DAB1: variants seen among roughly 807,000 people sequenced by gnomAD.
The protein encoded by DAB1 is disabled homolog 1.
A neutral mutation model predicts 64.6 loss-of-function variants in DAB1; 15 were observed. The ratio of observed to expected loss-of-function variants is 0.23; its 90% CI spans 0.16 to 0.36. DAB1 has a LOEUF of 0.36. Among genes scored for constraint, DAB1 ranks in the 10% least tolerant of loss-of-function variants. The pLI, the probability that DAB1 is intolerant of heterozygous loss-of-function variation, is 1.00. For missense variants in DAB1, 596 were observed against 706.7 expected (o/e 0.84, Z 1.78); for synonymous variants, 235 against 251.9 (o/e 0.93, Z 0.64).
At chr1:57,297,887 T>C (rs1290537331) in intron 1 of DAB1, among the ~76,000 whole-genome samples, 1 of 152,094 alleles carries the variant, frequency 6.6e-6, no homozygotes, top group Non-Finnish European at 1.5e-5. Context: ...CCCCTGTAAC[T>C]CCCCAGACTG....
In DAB1 at chr1:57,463,601, C is replaced by T. The variant is rs534271218; in HGVS notation, n.626-172435G>A. 2.4e-4 allele frequency among the ~76,000 whole-genome samples: 37 copies of T among 152,228 alleles called. 1 individual carries two copies. The South Asian group carries it at 7.5e-3, about 31-fold the overall frequency. Reference sequence around the variant, plus strand: ...TGGGGCAACAGAATCTTTCATCCACCCTTGCACAGTTTCTTCGTGACAGAA... The same window carrying T: ...TGGGGCAACAGAATCTTTCATCCACTCTTGCACAGTTTCTTCGTGACAGAA... On this transcript the variant is annotated intron_variant and non_coding_transcript_variant, in intron 7 of 20. Coordinates refer to the DAB1 transcript ENST00000485760.
At chr1:57,940,598 G>C (rs1237304025) in intron 5 of DAB1, among the ~76,000 whole-genome samples, 2 of 152,340 alleles carry the variant, frequency 1.3e-5, no homozygotes, top group Non-Finnish European at 1.5e-5. Context: ...TTCTGGTTCT[G>C]TGGGTCTGGG....
chr1:58,443,158 C>A (rs1044147603), intron 3 of DAB1, among the ~76,000 whole-genome samples: 1 of 152,104 alleles, frequency 6.6e-6, no homozygotes, highest in Non-Finnish European at 1.5e-5. Flanking sequence ...GGTGGACCAG[C>A]TCTCCCATCA....
In DAB1 at chr1:57,325,075, A is replaced by G. The variant is rs563780276; in HGVS notation, c.-136-33909T>C. Reference sequence around the variant, plus strand: ...GTAGATGCTGGAGCCTGCCCATTTCAGTCTTCTTTGATTTTTGCTTTTACT... The same window carrying G: ...GTAGATGCTGGAGCCTGCCCATTTCGGTCTTCTTTGATTTTTGCTTTTACT... On this transcript the variant is annotated intron_variant, in intron 1 of 14. Coordinates refer to ENST00000371236, the MANE Select transcript of DAB1 (RefSeq NM_001365792.1). Among the ~76,000 whole-genome samples the G allele has an allele frequency of 5.3e-5, 8 of 152,314 alleles. No homozygotes were observed. In the South Asian group the frequency reaches 1.4e-3, roughly 28 times the overall value.
At chr1:58,523,546 G>A (rs372418763) in intron 2 of DAB1, among the ~76,000 whole-genome samples, 5 of 152,126 alleles carry the variant, frequency 3.3e-5, no homozygotes. Context: ...CCATTTGGAC[G>A]CCTTCAGTGT....
chr1:58,529,159 T>G (rs1241556123), intron 1 of DAB1, among the ~76,000 whole-genome samples: 2 of 152,164 alleles, frequency 1.3e-5, no homozygotes, highest in African/African-American at 4.8e-5. Flanking sequence ...TCAATATAAA[T>G]GAAGCCAAAT....
rs548259835 is a variant in DAB1 at position 57,001,755 on chromosome 1, C to T, written c.*16-3627G>A. Reference sequence around the variant, plus strand: ...GTTTTCCCATCTCTGAGACTTCATTCAGGCAGTTCCTTCTGGCTTCGGAGG... The same window carrying T: ...GTTTTCCCATCTCTGAGACTTCATTTAGGCAGTTCCTTCTGGCTTCGGAGG... On this transcript the variant is annotated intron_variant, in intron 14 of 14. Transcript: ENST00000371236. Among the ~76,000 whole-genome samples, 43 of 152,338 alleles carry T rather than the reference C, an allele frequency of 2.8e-4. 1 individual carries two copies. The South Asian group carries it at 8.1e-3, about 29-fold the overall frequency.
chr1:57,067,897 C>T (rs919112887), intron 8 of DAB1, among the ~76,000 whole-genome samples: 4 of 152,116 alleles, frequency 2.6e-5, no homozygotes, highest in East Asian at 3.9e-4. Flanking sequence ...AACAATTGTT[C>T]GCTTATTTTA....
At chr1:57,328,755 T>C (rs958878159) in intron 1 of DAB1, among the ~76,000 whole-genome samples, 2 of 152,178 alleles carry the variant, frequency 1.3e-5, no homozygotes, top group Non-Finnish European at 2.9e-5. Context: ...AAGACAGAAT[T>C]TCTGTTTCTC....
At chr1:58,041,327 T>A (rs1570266810) in intron 5 of DAB1, among the ~76,000 whole-genome samples, 1 of 152,208 alleles carries the variant, frequency 6.6e-6, no homozygotes, top group Non-Finnish European at 1.5e-5. Flanking sequence ...TGGAGCCACA[T>A]CTTTTCATCT....
At chr1:57,860,553 A>G (rs1653964799) in intron 1 of DAB1, 1 of 152,266 alleles carries the variant, frequency 6.6e-6, no homozygotes, top group Admixed American at 6.5e-5. Context: ...GTTTGGTACA[A>G]TCTGGTTCAC....
At chr1:57,124,374 G>A (rs967227755) in intron 4 of DAB1, among the ~76,000 whole-genome samples, 1 of 152,082 alleles carries the variant, frequency 6.6e-6, no homozygotes, top group African/African-American at 2.4e-5. Context: ...TCAGAGTCAT[G>A]AGATGATGCA....
intron 4 of DAB1, among the ~76,000 whole-genome samples, chr1:58,219,025 C>CTCTCTCTCTCTGTG (rs376130413): frequency 0.013 from 1,684 of 129,490 alleles, 55 homozygotes; most frequent in African/African-American, 0.047. Flanking sequence ...CTCTCTCTCT[C>CTCTCTCTCTCTGTG]TGTGTGTGTG....
At chr1:58,068,574 G>A (rs888595201) in intron 5 of DAB1, among the ~76,000 whole-genome samples, 1 of 151,926 alleles carries the variant, frequency 6.6e-6, no homozygotes, top group Non-Finnish European at 1.5e-5. Flanking sequence ...GACCATCCTG[G>A]CTAACACGGT....
chr1:58,141,429 CA>C (rs772008147), intron 5 of DAB1, among the ~76,000 whole-genome samples: 5 of 152,112 alleles, frequency 3.3e-5, no homozygotes, highest in Non-Finnish European at 5.9e-5. Context: ...AATTACCTCC[CA>C]ACAGGTCCCT....
At chr1:57,192,728 G>A (rs1012951023) in intron 2 of DAB1, among the ~76,000 whole-genome samples, 7 of 152,154 alleles carry the variant, frequency 4.6e-5, no homozygotes, top group African/African-American at 1.7e-4. Context: ...TGACATGCAG[G>A]TGGGCAGGTC....
chr1:58,301,707 C>T lies in DAB1; in HGVS notation n.309+41645G>A, dbSNP rs181886098. Among the ~76,000 whole-genome samples, 12 of 152,174 alleles carry T rather than the reference C, an allele frequency of 7.9e-5. No homozygotes were observed. The East Asian group carries it at 2.3e-3, about 29-fold the overall frequency. On this transcript the variant is annotated intron_variant and non_coding_transcript_variant, in intron 4 of 20. Coordinates refer to the DAB1 transcript ENST00000485760. ...GAGCTCACACAAGGAAACTGAGGCC[C>T]GGAGGGATTACTATTCTTTTTGACT...
At chr1:57,822,963 A>G (rs72916594), downstream of DAB1, among the ~76,000 whole-genome samples, 6,487 of 150,682 alleles carry the variant, frequency 0.043, 490 homozygotes, top group African/African-American at 0.15. Context: ...CTTAGATAAA[A>G]TGAAGAAAAT....
intron 5 of DAB1, among the ~76,000 whole-genome samples, chr1:58,106,122 CTTCT>C (rs1246575595): frequency 2.8e-5 from 4 of 144,596 alleles, no homozygotes; most frequent in African/African-American, 1.1e-4. Context: ...TTCTTTCTTC[CTTCT>C]TTTCTTTCTC....
Sources: gnomAD v4.1 joint callset for allele counts (sites outside exome capture counted in the v4.1 genomes callset) on GRCh38, gnomAD v4.1.1 for gene constraint, MANE v1.5 for transcripts, NCBI Gene and HGNC (gene_info 2026-07-23, HGNC 2026-07-21) for gene names.